POU2F1: variants seen among roughly 807,000 people sequenced by gnomAD.
POU2F1 encodes the protein POU domain, class 2, transcription factor 1.
In POU2F1, 16 loss-of-function variants were observed where a neutral mutation model predicts 84.9. The ratio of observed to expected loss-of-function variants is 0.19; its 90% CI spans 0.13 to 0.29. The LOEUF (loss-of-function observed/expected upper bound fraction) is 0.29, where lower values mean the gene tolerates loss of function less well. POU2F1 is among the 10% of genes least tolerant of loss of function. The pLI, the probability that POU2F1 is intolerant of heterozygous loss-of-function variation, is 1.00. For missense variants in POU2F1, 738 were observed against 942.6 expected (o/e 0.78, Z 2.84); for synonymous variants, 368 against 368.3 (o/e 1.00, Z 0.01).
chr1:167,269,941 G>A (rs916834349), intron 1 of POU2F1, among the ~76,000 whole-genome samples: 4 of 150,102 alleles, frequency 2.7e-5, no homozygotes, highest in Admixed American at 6.6e-5. Context: ...AGTAAGAGTC[G>A]AACTTAGGAC....
chr1:167,329,249 C>G (rs1043298257), intron 1 of POU2F1: 1 of 1,546,376 alleles, frequency 6.5e-7, no homozygotes, highest in African/African-American at 1.4e-5. Context: ...CTTGTTTGGA[C>G]TCTCTGCTCC....
rs1571492586 is a variant in POU2F1 at position 167,424,082 on chromosome 1, G to C, written c.*8272G>C. 6.6e-6 allele frequency: 1 copy of C among 152,214 alleles called. No homozygotes were observed. Among genetic ancestry groups the C allele is most frequent in the South Asian group, 2.1e-4 (1 of 4,828 alleles). The allele number at this position is 152,214 out of a possible 1,614,324, so 9.4% of individuals were successfully genotyped here. ...AAAATGACAGTGTCTGCTACAAAAG[G>C]CTGTAGTTGTAGGCAGTCGGGGATG... is the stretch of plus-strand genomic sequence containing the variant. On this transcript the variant is annotated 3_prime_UTR_variant, in exon 16 of 16. Transcript: ENST00000367866.
chr1:167,243,974 C>T (rs1424105200), intron 1 of POU2F1, among the ~76,000 whole-genome samples: 4 of 152,072 alleles, frequency 2.6e-5, no homozygotes, highest in Non-Finnish European at 4.4e-5. Context: ...GATAATGGAC[C>T]GAGAGTAGAC....
chr1:167,409,736 G>A (rs151139757), intron 13 of POU2F1, among the ~76,000 whole-genome samples: 4 of 152,294 alleles, frequency 2.6e-5, no homozygotes, highest in African/African-American at 9.6e-5. Context: ...TGATTTGAAG[G>A]TGGCTGGAGA....
intron 1 of POU2F1, among the ~76,000 whole-genome samples, chr1:167,253,490 A>G (rs377020267): frequency 1.3e-5 from 2 of 150,146 alleles, no homozygotes; most frequent in Admixed American, 6.7e-5. Context: ...CAGTGGTGCT[A>G]TCTTGGCTCA....
chr1:167,365,730 GT>G (rs1659646524), intron 3 of POU2F1, among the ~76,000 whole-genome samples, 163 bp downstream of exon 3: 1 of 149,512 alleles, frequency 6.7e-6, no homozygotes, highest in Non-Finnish European at 1.5e-5. Flanking sequence ...AAATCCTATG[GT>G]TTAGTTGAGT....
At chr1:167,295,516 G>A (rs969531181) in intron 1 of POU2F1, among the ~76,000 whole-genome samples, 9 of 152,128 alleles carry the variant, frequency 5.9e-5, no homozygotes, top group African/African-American at 1.9e-4. Context: ...ATAGACATAG[G>A]AGACAGACGT....
intron 9 of POU2F1, among the ~76,000 whole-genome samples, chr1:167,392,209 G>A (rs1314662959): frequency 2.0e-5 from 3 of 152,032 alleles, no homozygotes; most frequent in African/African-American, 7.2e-5. Flanking sequence ...AAATTAGCCG[G>A]GCGTGCTGGC....
intron 1 of POU2F1, among the ~76,000 whole-genome samples, chr1:167,267,486 C>T (rs79370511): frequency 0.02 from 3,055 of 152,042 alleles, 106 homozygotes; most frequent in African/African-American, 0.069. Context: ...ACATAGCTAC[C>T]GATCTTTCTG....
At chr1:167,406,279 C>A (rs981216803) in intron 13 of POU2F1, among the ~76,000 whole-genome samples, 3 of 152,084 alleles carry the variant, frequency 2.0e-5, no homozygotes, top group Non-Finnish European at 4.4e-5. Flanking sequence ...AGGACAAAAA[C>A]CACATAATCA....
intron 2 of POU2F1, among the ~76,000 whole-genome samples, chr1:167,358,715 G>GATTTTTTTTTTTT (rs1557923742): frequency 1.2e-4 from 5 of 41,594 alleles, no homozygotes; most frequent in African/African-American, 4.0e-4. Flanking sequence ...ATTATCTGCA[G>GATTTTTTTTTTTT]CTTTTTTTTT....
rs763765186 is a variant in POU2F1, at chr1:167,412,005, A to T, written c.1602A>T (p.Thr534=). 3 of 1,613,962 alleles carry T rather than the reference A, an allele frequency of 1.9e-6. No individual in the cohort carries two copies. The African/African-American group carries it at 4.0e-5, about 22-fold the overall frequency. The change falls in exon 14 of 16, where the codon ACA becomes ACT. Residue 534 remains threonine (T), a synonymous_variant. Coordinates refer to ENST00000367866, the MANE Select transcript of POU2F1 (RefSeq NM_002697.4). ...ACAACACAGCAACCGTGATTTCCAC[A>T]GCGCCTCCAGCTTCCTCAGCAGTCA... ...TSNNTATVIS[T]APPASSAVTS...
intron 1 of POU2F1, among the ~76,000 whole-genome samples, chr1:167,285,328 G>T (rs772582184): frequency 5.3e-5 from 8 of 152,202 alleles, no homozygotes; most frequent in Non-Finnish European, 1.2e-4. Context: ...TTTTTGGCCG[G>T]GTGCGGTGGC....
chr1:167,424,041 T>C lies in POU2F1; in HGVS notation c.*8231T>C, dbSNP rs181720005. 2.6e-5 allele frequency: 4 copies of C among 152,356 alleles called. No individual in the cohort carries two copies. In the East Asian group the frequency reaches 7.7e-4, roughly 29 times the overall value. The allele number at this position is 152,356 out of a possible 1,614,324, so 9.4% of individuals were successfully genotyped here. A position where few individuals can be genotyped will look rare whatever the true frequency, so the allele number is the denominator to read the frequency against. On this transcript the variant is annotated 3_prime_UTR_variant, in exon 16 of 16. Transcript: ENST00000367866. ...TCTAAAAGTATAGGAAGAAATGAAA[T>C]GCACTTTCAGAAGCTAAAATGACAG...
At chr1:167,221,151 G>A (rs2102309599) in intron 1 of POU2F1, among the ~76,000 whole-genome samples, 193 bp downstream of exon 1, 1 of 151,546 alleles carries the variant, frequency 6.6e-6, no homozygotes, top group East Asian at 2.0e-4. Context: ...GCGGCCAGGC[G>A]GAGGGGGAAG....
At chr1:167,389,481 TTCA>T (rs1443405425) in intron 8 of POU2F1, 104 bp from the exon 9 acceptor site, 1 of 1,214,686 alleles carries the variant, frequency 8.2e-7, no homozygotes, top group African/African-American at 1.5e-5. Flanking sequence ...TTACATGGTC[TTCA>T]TCGTTATCCA....
chr1:167,296,967 A>G (rs1654325063), intron 1 of POU2F1, among the ~76,000 whole-genome samples: 1 of 148,164 alleles, frequency 6.7e-6, no homozygotes, highest in Non-Finnish European at 1.5e-5. Flanking sequence ...TTTTAAAATT[A>G]TAGGCTAGAA....
chr1:167,414,047 A>G (rs186544037), intron 15 of POU2F1, among the ~76,000 whole-genome samples: 1 of 152,268 alleles, frequency 6.6e-6, no homozygotes, highest in Non-Finnish European at 1.5e-5. Flanking sequence ...CAGGGCCAAA[A>G]ATAACTATTA....
At chr1:167,392,027 A>G (rs1017863154) in intron 9 of POU2F1, among the ~76,000 whole-genome samples, 2 of 152,146 alleles carry the variant, frequency 1.3e-5, no homozygotes, top group African/African-American at 2.4e-5. Context: ...AATACTTTCA[A>G]AGCATCTTAA....
Sources: allele counts gnomAD v4.1 joint callset (sites outside exome capture counted in the v4.1 genomes callset), GRCh38; gene constraint gnomAD v4.1.1; transcripts MANE v1.5; gene names NCBI Gene and HGNC (gene_info 2026-07-23, HGNC 2026-07-21).